NRDC: variants seen among roughly 807,000 people sequenced by gnomAD.
NRDC encodes the protein nardilysin convertase.
Under a neutral mutation model 147.1 loss-of-function variants are expected in NRDC, and 54 were observed. That is an observed-to-expected ratio of 0.37 (90% CI 0.29 to 0.46). The LOEUF is 0.46. Ranked by LOEUF, NRDC falls within the 20% of genes least tolerant of loss-of-function variation. The pLI, the probability that NRDC is intolerant of heterozygous loss-of-function variation, is 1.00. For missense variants in NRDC, 1,082 were observed against 1,370.6 expected, an observed-to-expected ratio of 0.79 and a Z score of 3.33; for synonymous variants, 440 against 482.1, an observed-to-expected ratio of 0.91 and a Z score of 1.14.
rs777166188 is a variant in NRDC, at chr1:51,836,219, T to C, written c.631-7A>G. ...CACAAAGAGCCGCTGCAGACTGGAG[T>C]AATTAGAACACATACAAATAGTTGA... is the stretch of plus-strand genomic sequence containing the variant. On this transcript the variant is annotated splice_region_variant and splice_polypyrimidine_tract_variant and intron_variant, in intron 2 of 30. Transcript: ENST00000352171. The C allele has an allele frequency of 6.2e-7, 1 of 1,613,470 alleles. No individual in the cohort carries two copies. The highest frequency in any genetic ancestry group is 8.5e-7 in the Non-Finnish European group (1 of 1,179,492).
Position 51,840,286 on chromosome 1 carries a change from A to G in NRDC, c.570T>C (p.Asp190=), listed in dbSNP as rs760202509. ...DEHDDDLDTE[D]NELEELEERA... ...TCTCTTCTAATTCTTCCAATTCATT[A>G]TCCTCAGTATCAAGATCATCATCAT... Residue 190 remains aspartate (D), a synonymous_variant, in exon 2 of 31, where the codon GAT becomes GAC. Coordinates refer to ENST00000352171, the MANE Select transcript of NRDC (RefSeq NM_001101662.2). 1 of 1,602,732 alleles carries G rather than the reference A, an allele frequency of 6.2e-7. No homozygotes were observed. The highest frequency in any genetic ancestry group is 8.5e-7 in the Non-Finnish European group (1 of 1,170,380).
intron 19 of NRDC, 135 bp from the exon 20 acceptor site, chr1:51,804,099 C>G: frequency 1.4e-6 from 1 of 704,632 alleles, no homozygotes; most frequent in Admixed American, 3.3e-5. Context: ...AAAGGTAATA[C>G]AGCTTACTCA....
rs1679390743 is a variant in NRDC at position 51,804,875 on chromosome 1, A to T, written c.2162+635T>A. Among the ~76,000 whole-genome samples the T allele has an allele frequency of 5.9e-5, 9 of 152,126 alleles. No homozygotes were observed. In the South Asian group the frequency reaches 1.9e-3, roughly 31 times the overall value. On this transcript the variant is annotated intron_variant, in intron 19 of 30. Coordinates refer to ENST00000352171, the MANE Select transcript of NRDC (RefSeq NM_001101662.2). ...CTACGTTCAGACACATTTCCCAAGT[A>T]TCTCCTATGTTCAGACACATTTCCC...
intron 1 of NRDC, among the ~76,000 whole-genome samples, chr1:51,844,765 G>A (rs1430565907): frequency 8.4e-6 from 1 of 119,656 alleles, no homozygotes; most frequent in Non-Finnish European, 1.7e-5. Context: ...GGAAGGGAGG[G>A]ACGGAGGGAG....
chr1:51,809,471 G>C (rs1679613885), intron 16 of NRDC, 70 bp from the exon 17 acceptor site: 2 of 980,362 alleles, frequency 2.0e-6, no homozygotes, highest in Non-Finnish European at 3.3e-6. Context: ...TAATAAACTA[G>C]TTATCAACTG....
intron 1 of NRDC, among the ~76,000 whole-genome samples, chr1:51,848,333 TAGAC>T (rs989530761): frequency 2.0e-5 from 3 of 151,834 alleles, no homozygotes; most frequent in East Asian, 1.9e-4. Context: ...AAAAGAAAAT[TAGAC>T]AGGCGTGGTG....
At position 51,836,153 on chromosome 1, in the gene NRDC, C is replaced by T; in HGVS notation, c.690G>A (p.Gly230=). ...GSFADPDDLP[G]LAHFLEHMVF... ...TACTGTGCTCCAAAAAGTGTGCCAG[C>T]CCCGGCAGGTCATCTGGATCAGCGA... Residue 230 remains glycine, a synonymous_variant, in exon 3 of 31, where the codon GGG becomes GGA. Coordinates refer to ENST00000352171, the MANE Select transcript of NRDC (RefSeq NM_001101662.2). 1 of 1,614,130 alleles carries T rather than the reference C, an allele frequency of 6.2e-7. No homozygotes were observed. The highest frequency in any genetic ancestry group is 8.5e-7 in the Non-Finnish European group (1 of 1,180,012).
intron 3 of NRDC, among the ~76,000 whole-genome samples, chr1:51,835,554 C>A (rs1680925899): frequency 1.3e-5 from 2 of 148,786 alleles, no homozygotes; most frequent in Admixed American, 1.3e-4. Flanking sequence ...GCAACCTCTA[C>A]CTCCCAGGTT....
intron 29 of NRDC, 43 bp from the exon 30 acceptor site, chr1:51,789,700 GAT>G (rs765336231): frequency 7.1e-7 from 1 of 1,403,594 alleles, no homozygotes; most frequent in South Asian, 1.2e-5. Flanking sequence ...CAAGAAGAAA[GAT>G]AGCTCTTAAA....
chr1:51,791,132 G>C (rs989185534), intron 27 of NRDC, 142 bp from the exon 28 acceptor site: 2 of 632,544 alleles, frequency 3.2e-6, no homozygotes, highest in Admixed American at 5.7e-5. Flanking sequence ...GTTTTCCCAG[G>C]CCTCAGTATT....
intron 1 of NRDC, among the ~76,000 whole-genome samples, chr1:51,859,089 T>C (rs929307086): frequency 6.6e-6 from 1 of 152,146 alleles, no homozygotes; most frequent in African/African-American, 2.4e-5. Context: ...CACCTAAGAG[T>C]TGTCCCATTA....
At chr1:51,838,653 GA>G (rs1681101497) in intron 2 of NRDC, among the ~76,000 whole-genome samples, 1 of 151,980 alleles carries the variant, frequency 6.6e-6, no homozygotes, top group African/African-American at 2.4e-5. Context: ...GAAAGAAAAT[GA>G]AAACACCTAA....
intron 1 of NRDC, among the ~76,000 whole-genome samples, chr1:51,874,046 A>G (rs1557944394): frequency 6.7e-6 from 1 of 150,116 alleles, no homozygotes; most frequent in Non-Finnish European, 1.5e-5. Context: ...CATTTCTACA[A>G]AAAATTAGCC....
chr1:51,865,606 A>G (rs1201069477), intron 1 of NRDC, among the ~76,000 whole-genome samples: 2 of 152,138 alleles, frequency 1.3e-5, no homozygotes, highest in Non-Finnish European at 2.9e-5. Flanking sequence ...CCCAGCCTAA[A>G]AAGATTTTTT....
At chr1:51,822,654 C>T (rs1220016921) in intron 7 of NRDC, among the ~76,000 whole-genome samples, 1 of 152,078 alleles carries the variant, frequency 6.6e-6, no homozygotes. Context: ...ATAACTAGTT[C>T]AAGAAAAACA....
At chr1:51,818,873 T>C (rs1240342323) in intron 9 of NRDC, among the ~76,000 whole-genome samples, 1 of 152,224 alleles carries the variant, frequency 6.6e-6, no homozygotes, top group Non-Finnish European at 1.5e-5. Context: ...GTTAAGTAAA[T>C]TATAATGTAA....
intron 19 of NRDC, among the ~76,000 whole-genome samples, chr1:51,804,278 AG>A (rs1679348023): frequency 6.6e-6 from 1 of 152,236 alleles, no homozygotes; most frequent in Non-Finnish European, 1.5e-5. Context: ...CTCCAAGTCT[AG>A]GCATTCTGAC....
At chr1:51,804,931 A>T (rs1679394622) in intron 19 of NRDC, among the ~76,000 whole-genome samples, 1 of 152,174 alleles carries the variant, frequency 6.6e-6, no homozygotes, top group Admixed American at 6.5e-5. Flanking sequence ...CACATTTCCG[A>T]AGTATCAACT....
At position 51,817,972 on chromosome 1, in the gene NRDC, T is replaced by A. The variant is rs1680049026; in HGVS notation, c.1361+94A>T. ...CCAGGTTACCGTATTGCTATGTTTA[T>A]AAATTCAGAACCCCCAAACTTAAAC... On this transcript the variant is annotated intron_variant, in intron 10 of 30. Transcript: ENST00000352171. 7 of 886,532 alleles carry A rather than the reference T, an allele frequency of 7.9e-6. No homozygotes were observed. In the South Asian group the frequency reaches 1.1e-4, roughly 14 times the overall value. The allele number at this position is 886,532 out of a possible 1,614,324, so 54.9% of individuals were successfully genotyped here. A position where few individuals can be genotyped will look rare whatever the true frequency, so the allele number is the denominator to read the frequency against.
Sources: gnomAD v4.1 joint callset for allele counts (sites outside exome capture counted in the v4.1 genomes callset) on GRCh38, gnomAD v4.1.1 for gene constraint, MANE v1.5 for transcripts, NCBI Gene and HGNC (gene_info 2026-07-23, HGNC 2026-07-21) for gene names.